The following HPS1 variants were observed in gnomAD, a reference collection of about 807,000 sequenced individuals.
HPS1 encodes the protein BLOC-3 complex member HPS1.
Under a neutral mutation model 90.6 loss-of-function variants are expected in HPS1, and 59 were observed. The observed-to-expected ratio is 0.65, with a 90% CI of 0.53 to 0.81. The LOEUF (loss-of-function observed/expected upper bound fraction) is 0.81, where lower values mean the gene tolerates loss of function less well. Among genes scored for constraint, HPS1 ranks in the 30% least tolerant of loss-of-function variants. The pLI is 0.00. For synonymous variants in HPS1, 388 were observed against 384.4 expected (o/e 1.01, Z -0.11); for missense variants, 849 against 896.7 (o/e 0.95, Z 0.68).
At chr10:98,418,669 T>C (rs1844447915) in intron 18 of HPS1, among the ~76,000 whole-genome samples, 1 of 152,260 alleles carries the variant, frequency 6.6e-6, no homozygotes, top group African/African-American at 2.4e-5. Flanking sequence ...ACGTGCCGTG[T>C]GTGCCAGGCA....
Position 98,417,470 on chromosome 10 carries a change from G to C in HPS1, c.*94C>G. 8.6e-7 allele frequency: 1 copy of C among 1,161,004 alleles called. No homozygotes were observed. The highest frequency in any genetic ancestry group is 1.2e-6 in the Non-Finnish European group (1 of 817,070). 71.9% of individuals were successfully genotyped at this position (1,161,004 alleles called of 1,614,324 possible). On this transcript the variant is annotated 3_prime_UTR_variant, in exon 20 of 20. Coordinates refer to ENST00000361490, the MANE Select transcript of HPS1 (RefSeq NM_000195.5). This position sits in a 1 kb window ranked among gnomAD's most constrained non-coding sequence, Gnocchi z 4.2. ...GGCACTCTGCCCTATCCTCAGGATGGCCACTGCAGACAGGAGGCTCTCGTC... is the reference window on the plus strand; with the variant it reads ...GGCACTCTGCCCTATCCTCAGGATGCCCACTGCAGACAGGAGGCTCTCGTC...
At chr10:98,414,329 C>T (rs1310276197), downstream of HPS1, 4 of 152,190 alleles carry the variant, frequency 2.6e-5, no homozygotes, top group African/African-American at 9.7e-5. Flanking sequence ...TAAGGAAAGA[C>T]CACCTGGTCC....
intron 3 of HPS1, chr10:98,442,732 C>G: frequency 3.3e-6 from 1 of 303,106 alleles, no homozygotes; most frequent in Non-Finnish European, 6.5e-6. Context: ...GGTCTCAAAT[C>G]CCTGAGCTCA....
At position 98,425,933 on chromosome 10, in the gene HPS1, C is replaced by A. The variant is rs780527743; in HGVS notation, c.1040G>T (p.Gly347Val). The change falls in exon 12 of 20, where the codon GGC becomes GTC. Residue 347 changes from glycine (G) to valine (V), a missense_variant. Transcript: ENST00000361490. Reference sequence around the variant, plus strand: ...GGCATCCAGGAAGATCCTTCTGGGGCCGGAAGGCACAGGGCAGTGGGGAAC... The same window carrying A: ...GGCATCCAGGAAGATCCTTCTGGGGACGGAAGGCACAGGGCAGTGGGGAAC... Reference protein sequence around the residue: ...TLVPHCPVPSGPRRIFLDANV... With the variant: ...TLVPHCPVPSVPRRIFLDANV... 1.2e-6 allele frequency: 2 copies of A among 1,614,072 alleles called. No individual in the cohort carries two copies. The highest frequency in any genetic ancestry group is 2.2e-5 in the South Asian group (2 of 91,080).
chr10:98,418,033 G>A (rs1844335338), intron 19 of HPS1, 142 bp downstream of exon 19: 3 of 683,492 alleles, frequency 4.4e-6, no homozygotes, highest in South Asian at 3.5e-5. Context: ...CTGCACACAG[G>A]GCCAGCCGGG....
downstream of HPS1, chr10:98,414,896 A>C (rs1843942182): frequency 7.6e-6 from 11 of 1,444,020 alleles, no homozygotes; most frequent in Non-Finnish European, 1.0e-5. Flanking sequence ...TGGCTGGGTT[A>C]TGCCAGAGGA....
At chr10:98,430,513 A>G in intron 8 of HPS1, 58 bp downstream of exon 8, 1 of 1,337,524 alleles carries the variant, frequency 7.5e-7, no homozygotes, top group South Asian at 1.3e-5. Flanking sequence ...ATCTTCAGGC[A>G]GGTTTTCTGA....
At chr10:98,426,596 T>C (rs1376599644) in intron 11 of HPS1, among the ~76,000 whole-genome samples, 1 of 152,208 alleles carries the variant, frequency 6.6e-6, no homozygotes, top group Non-Finnish European at 1.5e-5. Flanking sequence ...ATTTGCTAGA[T>C]AAATAACATA....
In HPS1 at chr10:98,435,590, C is replaced by T; in HGVS notation, c.255+45G>A. On this transcript the variant is annotated intron_variant, in intron 4 of 19. Coordinates refer to ENST00000361490, the MANE Select transcript of HPS1 (RefSeq NM_000195.5). The surrounding 1 kb of genome is among the most constrained non-coding windows in gnomAD (Gnocchi z 4.3). ...TAAGAGAGGCCTGTGGACTCCCCATCAAGCTGAGGGAAGAGGAACATGGGC... is the reference window on the plus strand; with the variant it reads ...TAAGAGAGGCCTGTGGACTCCCCATTAAGCTGAGGGAAGAGGAACATGGGC... 1 of 1,612,198 alleles carries T rather than the reference C, an allele frequency of 6.2e-7. No individual in the cohort carries two copies.
At position 98,425,718 on chromosome 10, in the gene HPS1, G is replaced by T; in HGVS notation, c.1158C>A (p.Ser386Arg). Residue 386 changes from serine (S) to arginine (R), a missense_variant and splice_region_variant, in exon 13 of 20, where the codon AGC (serine) becomes AGA (arginine). Physicochemically the swap from Ser to Arg is moderately radical, Grantham distance 110. Coordinates refer to ENST00000361490, the MANE Select transcript of HPS1 (RefSeq NM_000195.5). ...QGINLVLLTRSPSAPLALVLS... is the reference protein window; with the variant it reads ...QGINLVLLTRRPSAPLALVLS... The stretch of plus-strand genomic sequence containing the variant: ...GAACCAGGGCCAGGGGCGCGCTGGG[G>T]CTCTGAGGGTAAGGGCCGAGAGGCG... 1 of 1,608,686 alleles carries T rather than the reference G, an allele frequency of 6.2e-7. No individual in the cohort carries two copies. Among genetic ancestry groups the T allele is most frequent in the Non-Finnish European group, 8.5e-7 (1 of 1,176,588 alleles).
At chr10:98,422,620 C>A in intron 16 of HPS1, 107 bp from the exon 17 acceptor site, 1 of 1,142,964 alleles carries the variant, frequency 8.7e-7, no homozygotes, top group Non-Finnish European at 1.3e-6. Flanking sequence ...GCCAGGACTG[C>A]CTCTTTCCAG....
intron 17 of HPS1, among the ~76,000 whole-genome samples, chr10:98,420,683 T>C (rs1040387008): frequency 1.3e-5 from 2 of 152,256 alleles, no homozygotes; most frequent in East Asian, 3.9e-4. Flanking sequence ...GCCGCTGCAC[T>C]CTAGCCTGGG....
At chr10:98,437,336 T>C (rs975051734) in intron 3 of HPS1, among the ~76,000 whole-genome samples, 4 of 152,236 alleles carry the variant, frequency 2.6e-5, no homozygotes, top group African/African-American at 9.6e-5. Flanking sequence ...TCATATACCA[T>C]GATTTTCTTG....
chr10:98,444,366 G>C (rs899260360), intron 2 of HPS1, among the ~76,000 whole-genome samples: 2 of 151,974 alleles, frequency 1.3e-5, no homozygotes, highest in Non-Finnish European at 2.9e-5. Flanking sequence ...CACACTGTGT[G>C]CCATGGCCCT....
Position 98,439,819 on chromosome 10 carries a change from A to G in HPS1, c.117+3305T>C, listed in dbSNP as rs56059631. ...GGCTTTGTGTCCCCATCCAAATCTCATCTTGAATTGTAATCCCCATAATCC... is the reference window on the plus strand; with the variant it reads ...GGCTTTGTGTCCCCATCCAAATCTCGTCTTGAATTGTAATCCCCATAATCC... On this transcript the variant is annotated intron_variant, in intron 3 of 19. Transcript: ENST00000361490. Among the ~76,000 whole-genome samples, 1,312 of 152,308 alleles carry G rather than the reference A, an allele frequency of 8.6e-3. 6 individuals are homozygous for G. Among genetic ancestry groups the G allele is most frequent in the Non-Finnish European group, 0.013 (868 of 68,018 alleles).
chr10:98,432,976 T>C (rs1250675643), intron 6 of HPS1, among the ~76,000 whole-genome samples: 1 of 152,200 alleles, frequency 6.6e-6, no homozygotes, highest in Non-Finnish European at 1.5e-5. Flanking sequence ...GGCTCATGCC[T>C]GTAATCCCAG....
At chr10:98,428,871 T>C (rs1358454995) in intron 10 of HPS1, among the ~76,000 whole-genome samples, 2 of 151,868 alleles carry the variant, frequency 1.3e-5, no homozygotes, top group Admixed American at 1.3e-4. Flanking sequence ...AGACAGAGTC[T>C]TGCTCTGTCG....
rs144071027 is a variant in HPS1 at position 98,444,039 on chromosome 10, A to AAAACAAAC, written c.1-807_1-800dup. On this transcript the variant is annotated intron_variant, in intron 2 of 19. Transcript: ENST00000361490. ...GTGACAGAGCGAGACTCTGTCTGAA[A>AAAACAAAC]AAACAAACAAACAAACAAACAAACA... 2.6e-3 allele frequency among the ~76,000 whole-genome samples: 392 copies of AAAACAAAC among 150,004 alleles called. 1 individual carries two copies. The highest frequency in any genetic ancestry group is 5.8e-3 in the South Asian group (27 of 4,694).
chr10:98,443,297 G>T, intron 2 of HPS1, 57 bp from the exon 3 acceptor site: 1 of 1,324,336 alleles, frequency 7.6e-7, no homozygotes, highest in African/African-American at 1.4e-5. Context: ...TATGAGCTCA[G>T]TCTGAGTAAC....
Sources: gnomAD v4.1 joint callset for allele counts (sites outside exome capture counted in the v4.1 genomes callset) on GRCh38, gnomAD v4.1.1 for gene constraint, Gnocchi (gnomAD v3.1) non-coding constraint, MANE v1.5 for transcripts, NCBI Gene and HGNC (gene_info 2026-07-23, HGNC 2026-07-21) for gene names.